Variants in NMT2 observed in about 807,000 individuals in gnomAD.
The protein encoded by NMT2 is glycylpeptide N-tetradecanoyltransferase 2.
Under a neutral mutation model 65.4 loss-of-function variants are expected in NMT2, and 35 were observed. The observed-to-expected ratio is 0.54, with a 90% CI of 0.41 to 0.71. NMT2 has a LOEUF of 0.71. Among genes scored for constraint, NMT2 ranks in the 30% least tolerant of loss-of-function variants. The pLI is 0.00. For missense variants in NMT2, 489 were observed against 611.3 expected (o/e 0.80, Z 2.11); for synonymous variants, 226 against 231.8 (o/e 0.98, Z 0.23).
chr10:15,142,178 A>G (rs529583933), intron 1 of NMT2, among the ~76,000 whole-genome samples: 26 of 152,248 alleles, frequency 1.7e-4, no homozygotes, highest in Non-Finnish European at 3.2e-4. Context: ...GTTTTAAAGT[A>G]ATGAACTTTT....
chr10:15,124,194 G>A (rs572795104), intron 8 of NMT2, among the ~76,000 whole-genome samples: 3 of 152,054 alleles, frequency 2.0e-5, no homozygotes, highest in Non-Finnish European at 4.4e-5. Flanking sequence ...GCGCAAAATC[G>A]AACTTGGAAA....
At chr10:15,146,577 G>C (rs929250678) in intron 1 of NMT2, among the ~76,000 whole-genome samples, 5 of 152,208 alleles carry the variant, frequency 3.3e-5, no homozygotes, top group African/African-American at 1.2e-4. Flanking sequence ...TGTGCTGTCT[G>C]GATGCAGACA....
chr10:15,110,715 TGTA>T (rs1286577006), intron 10 of NMT2, among the ~76,000 whole-genome samples: 1 of 152,172 alleles, frequency 6.6e-6, no homozygotes, highest in African/African-American at 2.4e-5. Context: ...ATGTTAAAAA[TGTA>T]GTATGATGGC....
chr10:15,121,197 A>C (rs1329366620), intron 8 of NMT2, among the ~76,000 whole-genome samples: 1 of 152,210 alleles, frequency 6.6e-6, no homozygotes, highest in Non-Finnish European at 1.5e-5. Context: ...AGAGATGAAT[A>C]ATCTGTATAT....
chr10:15,136,243 AGGAAGGGAAGGGAAGGGAAAGGGAAG>A (rs1319213080), intron 2 of NMT2, among the ~76,000 whole-genome samples: 7 of 142,000 alleles, frequency 4.9e-5, no homozygotes, highest in South Asian at 2.7e-4. Context: ...GGAAAGGGAA[AGGAAGGGAAGGGAAGGGAAAGGGAAG>A]GGAAGGGAAG....
Position 15,130,133 on chromosome 10 carries a change from T to A in NMT2, c.890+9A>T. The stretch of plus-strand genomic sequence containing the variant: ...GGGAGGACCTGAGGTAGAAATATGG[T>A]ACTGGTACCTGCATGTGGCTATGGG... On this transcript the variant is annotated intron_variant, in intron 7 of 11. Coordinates refer to ENST00000378165, the MANE Select transcript of NMT2 (RefSeq NM_004808.3). 1 of 1,489,222 alleles carries A rather than the reference T, an allele frequency of 6.7e-7. No homozygotes were observed. Among genetic ancestry groups the A allele is most frequent in the Non-Finnish European group, 9.0e-7 (1 of 1,113,492 alleles). 92.3% of individuals were successfully genotyped at this position (1,489,222 alleles called of 1,614,324 possible). A position where few individuals can be genotyped will look rare whatever the true frequency, so the allele number is the denominator to read the frequency against.
At chr10:15,111,313 C>T (rs1477009185) in intron 10 of NMT2, among the ~76,000 whole-genome samples, 1 of 151,326 alleles carries the variant, frequency 6.6e-6, no homozygotes, top group African/African-American at 2.4e-5. Context: ...GAGTTCGAGA[C>T]CAGCCGGGTC....
intron 1 of NMT2, among the ~76,000 whole-genome samples, chr10:15,157,466 T>G (rs988452388): frequency 3.3e-5 from 5 of 152,164 alleles, no homozygotes; most frequent in African/African-American, 1.2e-4. Flanking sequence ...GTGGGCCATG[T>G]CACTTCTCAC....
In NMT2 at chr10:15,168,666, A is replaced by T. The variant is rs560665641; in HGVS notation, c.-54T>A. 7.3e-7 allele frequency: 1 copy of T among 1,375,058 alleles called. No homozygotes were observed. Among genetic ancestry groups the T allele is most frequent in the African/African-American group, 1.5e-5 (1 of 66,594 alleles). 85.2% of individuals were successfully genotyped at this position (1,375,058 alleles called of 1,614,324 possible). A position where few individuals can be genotyped will look rare whatever the true frequency, so the allele number is the denominator to read the frequency against. ...CTCGGGGCCGGGCCGGAGCGGCCGC[A>T]GCTCCCTCTAGTGCCTCCCGCCGTA... On this transcript the variant is annotated 5_prime_UTR_variant, in exon 1 of 12. Transcript: ENST00000378165.
intron 2 of NMT2, chr10:15,141,196 A>G: frequency 1.2e-6 from 1 of 802,522 alleles, no homozygotes. Context: ...AAAAGGGAAA[A>G]ACACAGCAGG....
Position 15,108,720 on chromosome 10 carries a change from C to T in NMT2, c.*475G>A, listed in dbSNP as rs1365268206. 1.0e-5 allele frequency: 10 copies of T among 1,001,586 alleles called. No homozygotes were observed. Among genetic ancestry groups the T allele is most frequent in the Non-Finnish European group, 1.1e-5 (9 of 841,458 alleles). The allele number at this position is 1,001,586 out of a possible 1,614,324, so 62.0% of individuals were successfully genotyped here. A position where few individuals can be genotyped will look rare whatever the true frequency, so the allele number is the denominator to read the frequency against. On this transcript the variant is annotated 3_prime_UTR_variant, in exon 12 of 12. Transcript: ENST00000378165. ...GATTCCATAAATGTTCCCAGTGATA[C>T]CATGTAAGGTGATACCAGTAAAAAA...
chr10:15,135,208 T>C (rs1846436352), intron 3 of NMT2, 66 bp downstream of exon 3: 1 of 1,387,172 alleles, frequency 7.2e-7, no homozygotes, highest in Non-Finnish European at 1.0e-6. Context: ...GTTGTTGTTG[T>C]TGTTGTTGTT....
rs1470009962 is a variant in NMT2 at position 15,112,946 on chromosome 10, C to T, written c.1188G>A (p.Leu396=). Residue 396 remains leucine (L), a synonymous_variant, in exon 10 of 12, where the codon CTG becomes CTA. Coordinates refer to ENST00000378165, the MANE Select transcript of NMT2 (RefSeq NM_004808.3). The part of the protein sequence containing the change: ...TFVVESPNGK[L]TDFLSFYTLP... ...GCGTATAGAAGCTCAGGAAATCAGTCAGTTTACCGTTGGGGCTCTAGGAGC... is the reference window on the plus strand; with the variant it reads ...GCGTATAGAAGCTCAGGAAATCAGTTAGTTTACCGTTGGGGCTCTAGGAGC... The T allele has an allele frequency of 1.2e-6, 2 of 1,614,062 alleles. No homozygotes were observed. The highest frequency in any genetic ancestry group is 1.1e-5 in the South Asian group (1 of 91,062).
chr10:15,152,420 A>C (rs1832836614), intron 1 of NMT2, among the ~76,000 whole-genome samples: 1 of 152,252 alleles, frequency 6.6e-6, no homozygotes, highest in African/African-American at 2.4e-5. Context: ...AGTGTCTAGA[A>C]GGGATGGCTT....
intron 6 of NMT2, among the ~76,000 whole-genome samples, chr10:15,131,793 C>T (rs1303989046): frequency 2.0e-5 from 3 of 152,096 alleles, no homozygotes; most frequent in South Asian, 2.1e-4. Flanking sequence ...TTTGACTTTC[C>T]GGGCTGGAGA....
chr10:15,153,910 C>G lies in NMT2; in HGVS notation c.111-12353G>C, dbSNP rs149609922. ...TCTCGTGATCCACCCGCCTCGCCCC[C>G]CAAAGTGCTGGGATTACAGGCGTGA... On this transcript the variant is annotated intron_variant, in intron 1 of 11. Transcript: ENST00000378165. 7.9e-5 allele frequency among the ~76,000 whole-genome samples: 12 copies of G among 152,280 alleles called. No homozygotes were observed. The South Asian group carries it at 1.5e-3, about 18-fold the overall frequency.
chr10:15,150,185 C>T (rs548742342), intron 1 of NMT2, among the ~76,000 whole-genome samples: 49 of 152,288 alleles, frequency 3.2e-4, no homozygotes, highest in African/African-American at 9.6e-4. Context: ...TCACACCCAC[C>T]GTTGGGGAAG....
At chr10:15,129,540 G>A (rs950342781) in intron 7 of NMT2, among the ~76,000 whole-genome samples, 2 of 152,204 alleles carry the variant, frequency 1.3e-5, no homozygotes, top group Admixed American at 6.5e-5. Flanking sequence ...GGACACTTTG[G>A]TGGTGCTGCA....
chr10:15,146,360 G>C (rs1846964435), intron 1 of NMT2, among the ~76,000 whole-genome samples: 1 of 152,248 alleles, frequency 6.6e-6, no homozygotes, highest in African/African-American at 2.4e-5. Context: ...ATGTAACAGA[G>C]CCATGTAAAC....
Sources: gnomAD v4.1 joint callset for allele counts (sites outside exome capture counted in the v4.1 genomes callset) on GRCh38, gnomAD v4.1.1 for gene constraint, MANE v1.5 for transcripts, NCBI Gene and HGNC (gene_info 2026-07-23, HGNC 2026-07-21) for gene names.